Variants in STK32B observed in about 807,000 individuals in gnomAD.
The protein encoded by STK32B is serine/threonine kinase 32B, also known as serine/threonine-protein kinase 32B.
In STK32B, 43 loss-of-function variants were observed where a neutral mutation model predicts 52.6. That is an observed-to-expected ratio of 0.82 (90% CI 0.64 to 1.05). STK32B has a LOEUF of 1.05. STK32B is among the 50% of genes least tolerant of loss of function. The pLI, the probability that STK32B is intolerant of heterozygous loss-of-function variation, is 0.00. For missense variants in STK32B, 621 were observed against 534.6 expected (o/e 1.16, Z -1.59); for synonymous variants, 238 against 204.3 (o/e 1.17, Z -1.41).
chr4:5,082,397 G>A (rs966934222), intron 1 of STK32B, among the ~76,000 whole-genome samples: 1 of 152,148 alleles, frequency 6.6e-6, no homozygotes, highest in South Asian at 2.1e-4. Flanking sequence ...AGCATTGTAG[G>A]TACCCATGTG....
chr4:5,445,635 C>A (rs1013371409), intron 6 of STK32B, among the ~76,000 whole-genome samples: 1 of 152,082 alleles, frequency 6.6e-6, no homozygotes, highest in Non-Finnish European at 1.5e-5. Flanking sequence ...GCCTCCATCC[C>A]CTTCGCTGTA....
At chr4:5,059,997 G>A (rs202236549) in intron 1 of STK32B, among the ~76,000 whole-genome samples, 7 of 152,050 alleles carry the variant, frequency 4.6e-5, no homozygotes, top group Admixed American at 2.6e-4. Context: ...ACAGAGTTTC[G>A]TTCTTGTTGC....
At chr4:5,340,013 A>G in intron 4 of STK32B, among the ~76,000 whole-genome samples, 1 of 152,260 alleles carries the variant, frequency 6.6e-6, no homozygotes, top group Non-Finnish European at 1.5e-5. Context: ...GGCATAGCCT[A>G]GTGACTTCAA....
At chr4:5,192,694 A>C (rs188593852) in intron 3 of STK32B, among the ~76,000 whole-genome samples, 1 of 151,934 alleles carries the variant, frequency 6.6e-6, no homozygotes, top group African/African-American at 2.4e-5. Context: ...TGATTAACCC[A>C]TCCACCACCT....
intron 11 of STK32B, among the ~76,000 whole-genome samples, chr4:5,476,512 T>C (rs1663697670): frequency 6.6e-6 from 1 of 152,114 alleles, no homozygotes; most frequent in Non-Finnish European, 1.5e-5. Flanking sequence ...TTATGGGTCC[T>C]TAAAGTTGAT....
intron 6 of STK32B, among the ~76,000 whole-genome samples, chr4:5,435,485 C>G (rs1294992999): frequency 2.6e-5 from 4 of 152,178 alleles, no homozygotes; most frequent in African/African-American, 9.7e-5. Context: ...GCAGCTAGCT[C>G]AAAGCCCATG....
intron 1 of STK32B, among the ~76,000 whole-genome samples, chr4:5,078,221 A>G (rs1182837885): frequency 3.9e-5 from 6 of 152,158 alleles, no homozygotes; most frequent in Admixed American, 6.5e-5. Context: ...AAAGTAGGTC[A>G]TGTGTCCACA....
In STK32B at chr4:5,051,604, G is replaced by A; in HGVS notation, c.-260G>A. On this transcript the variant is annotated 5_prime_UTR_variant, in exon 1 of 12. Transcript: ENST00000282908. The stretch of plus-strand genomic sequence containing the variant: ...GTTCCCGGGCGGGCACTGGAGTAAG[G>A]AGCTGCGAGCGCAGCCCGAGGCGGG... 2 of 489,024 alleles carry A rather than the reference G, an allele frequency of 4.1e-6. No individual in the cohort carries two copies. The highest frequency in any genetic ancestry group is 7.1e-6 in the Non-Finnish European group (2 of 280,814). The allele number at this position is 489,024 out of a possible 1,614,324, so 30.3% of individuals were successfully genotyped here. A position where few individuals can be genotyped will look rare whatever the true frequency, so the allele number is the denominator to read the frequency against.
intron 6 of STK32B, among the ~76,000 whole-genome samples, chr4:5,426,539 T>C (rs1306840792): frequency 6.6e-6 from 1 of 151,750 alleles, no homozygotes; most frequent in Non-Finnish European, 1.5e-5. Context: ...ACCCTGTCTC[T>C]ACTAAAAAAT....
chr4:5,290,963 ATTAG>A (rs1351259631), intron 3 of STK32B, among the ~76,000 whole-genome samples: 2 of 152,104 alleles, frequency 1.3e-5, no homozygotes, highest in African/African-American at 4.8e-5. Context: ...TCTTTCCCCT[ATTAG>A]TTTATCTTAG....
chr4:5,356,332 T>A (rs1734167818), intron 4 of STK32B, among the ~76,000 whole-genome samples: 1 of 152,158 alleles, frequency 6.6e-6, no homozygotes. Context: ...CCACCCTAAA[T>A]CCAGGATGAT....
chr4:5,460,048 CG>C lies in STK32B; in HGVS notation c.784-54del, dbSNP rs1403633739. The C allele has an allele frequency of 6.2e-7, 1 of 1,613,746 alleles. No individual in the cohort carries two copies. The highest frequency in any genetic ancestry group is 8.5e-7 in the Non-Finnish European group (1 of 1,179,936). On this transcript the variant is annotated intron_variant, in intron 8 of 11. Transcript: ENST00000282908. The surrounding 1 kb of genome is among the most constrained non-coding windows in gnomAD (Gnocchi z 4.8). Reference sequence around the variant, plus strand: ...CTGAGACCCCCTCCTTCAGAGTCCCCGCTAACCTTGAGGGATGCCCAATTCA... The same window carrying C: ...CTGAGACCCCCTCCTTCAGAGTCCCCCTAACCTTGAGGGATGCCCAATTCA...
intron 4 of STK32B, among the ~76,000 whole-genome samples, chr4:5,365,824 G>C (rs191322434): frequency 1.3e-5 from 2 of 152,174 alleles, no homozygotes; most frequent in Non-Finnish European, 2.9e-5. Context: ...ACAAACGCGA[G>C]CGTGCATGTG....
At chr4:5,417,817 G>A (rs1712287220) in intron 6 of STK32B, among the ~76,000 whole-genome samples, 1 of 152,314 alleles carries the variant, frequency 6.6e-6, no homozygotes, top group Admixed American at 6.5e-5. Flanking sequence ...GGTTGACCAA[G>A]TGGTTTTTCC....
intron 3 of STK32B, among the ~76,000 whole-genome samples, chr4:5,175,989 C>A (rs983365301): frequency 2.0e-5 from 3 of 152,242 alleles, no homozygotes; most frequent in African/African-American, 7.2e-5. Flanking sequence ...CCTACGCAAG[C>A]CTTGGCAATG....
intron 1 of STK32B, among the ~76,000 whole-genome samples, chr4:5,081,558 A>G (rs560315799): frequency 6.6e-6 from 1 of 151,156 alleles, no homozygotes; most frequent in South Asian, 2.1e-4. Flanking sequence ...GGCTTTCTTT[A>G]TTCCTTTTCA....
intron 6 of STK32B, among the ~76,000 whole-genome samples, chr4:5,432,823 A>T (rs1444285469): frequency 6.6e-6 from 1 of 152,144 alleles, no homozygotes. Context: ...CCATTTATTG[A>T]GCACTTACTA....
rs1001150236 is a variant in STK32B at position 5,399,376 on chromosome 4, C to T, written c.472+1132C>T. Among the ~76,000 whole-genome samples the T allele has an allele frequency of 2.0e-5, 3 of 152,286 alleles. No homozygotes were observed. The highest frequency in any genetic ancestry group is 7.2e-5 in the African/African-American group (3 of 41,570). On this transcript the variant is annotated intron_variant, in intron 5 of 11. Coordinates refer to ENST00000282908, the MANE Select transcript of STK32B (RefSeq NM_018401.3). This position sits in a 1 kb window ranked among gnomAD's most constrained non-coding sequence, Gnocchi z 5.4. ...TCCTCTCGAACCTTCCATGAGCCAG[C>T]AGCATAGCTTGGGGCATCCTAACCT... is the stretch of plus-strand genomic sequence containing the variant.
rs549558411 is a variant in STK32B, at chr4:5,212,079, GAC to G, written c.260+43633_260+43634del. Among the ~76,000 whole-genome samples the G allele has an allele frequency of 1.5e-4, 23 of 152,220 alleles. No homozygotes were observed. The South Asian group carries it at 4.8e-3, about 32-fold the overall frequency. Reference sequence around the variant, plus strand: ...TGTGCCAGGTGCTATTACAGAGCAGGACACAGGCGATTTTATTTAATGGTCTT... The same window carrying G: ...TGTGCCAGGTGCTATTACAGAGCAGGACAGGCGATTTTATTTAATGGTCTT... On this transcript the variant is annotated intron_variant, in intron 3 of 11. Transcript: ENST00000282908.
Sources: gnomAD v4.1 joint callset for allele counts (sites outside exome capture counted in the v4.1 genomes callset) on GRCh38, gnomAD v4.1.1 for gene constraint, Gnocchi (gnomAD v3.1) non-coding constraint, MANE v1.5 for transcripts, NCBI Gene and HGNC (gene_info 2026-07-23, HGNC 2026-07-21) for gene names.